THADA: variants seen among roughly 807,000 people sequenced by gnomAD.
THADA encodes tRNA (32-2'-O)-methyltransferase regulator THADA.
In THADA, 213 loss-of-function variants were observed where a neutral mutation model predicts 219.8. The observed-to-expected ratio is 0.97, with a 90% CI of 0.87 to 1.09. The LOEUF (loss-of-function observed/expected upper bound fraction) is 1.09, where lower values mean the gene tolerates loss of function less well. THADA is among the 50% of genes least tolerant of loss of function. THADA has a pLI of 0.00. For missense variants in THADA, 2,956 were observed against 2,311.3 expected, an observed-to-expected ratio of 1.28 and a Z score of -5.72; for synonymous variants, 1,018 against 828.9, an observed-to-expected ratio of 1.23 and a Z score of -3.92.
chr2:43,482,549 T>G (rs1319770306), intron 26 of THADA, among the ~76,000 whole-genome samples: 2 of 152,218 alleles, frequency 1.3e-5, no homozygotes, highest in Admixed American at 1.3e-4. Flanking sequence ...GGTTGGCTAT[T>G]TTGTCTCAGT....
At chr2:43,370,040 T>C (rs1457069709) in intron 29 of THADA, 1 of 152,202 alleles carries the variant, frequency 6.6e-6, no homozygotes, top group East Asian at 1.9e-4. Context: ...GAGCATTTAA[T>C]TGAAACTCAA....
intron 28 of THADA, among the ~76,000 whole-genome samples, chr2:43,427,503 T>TTGTG (rs70963397): frequency 0.37 from 51,982 of 140,364 alleles, 9,876 homozygotes; most frequent in East Asian, 0.51. Context: ...CTCCCAAAGT[T>TTGTG]TGTGTGTGTG....
At chr2:43,524,407 C>A (rs967711574) in intron 22 of THADA, among the ~76,000 whole-genome samples, 3 of 152,104 alleles carry the variant, frequency 2.0e-5, no homozygotes, top group Non-Finnish European at 4.4e-5. Flanking sequence ...GTTATTTATC[C>A]ATTAATCTCT....
At chr2:43,307,054 T>G (rs996451116) in intron 31 of THADA, among the ~76,000 whole-genome samples, 1 of 152,210 alleles carries the variant, frequency 6.6e-6, no homozygotes, top group South Asian at 2.1e-4. Flanking sequence ...TATGAAAGAT[T>G]AACCATTGCA....
intron 25 of THADA, among the ~76,000 whole-genome samples, chr2:43,488,435 C>T (rs1057512838): frequency 1.3e-5 from 2 of 152,126 alleles, no homozygotes; most frequent in Non-Finnish European, 2.9e-5. Flanking sequence ...ATGTAGTATG[C>T]GGCCTTTAAT....
At chr2:43,407,672 G>C (rs886290873) in intron 28 of THADA, among the ~76,000 whole-genome samples, 13 of 152,026 alleles carry the variant, frequency 8.6e-5, no homozygotes, top group Non-Finnish European at 1.8e-4. Context: ...AAAAGATTCT[G>C]ATATCCACGC....
At position 43,425,447 on chromosome 2, in the gene THADA, T is replaced by TGA. The variant is rs1491426602; in HGVS notation, c.4058+2652_4058+2653insTC. Among the ~76,000 whole-genome samples, 12 of 3,648 alleles carry TGA rather than the reference T, an allele frequency of 3.3e-3. No homozygotes were observed. The East Asian group carries it at 0.23, about 70-fold the overall frequency. 2.4% of individuals were successfully genotyped at this position (3,648 alleles called of 152,430 possible). On this transcript the variant is annotated intron_variant, in intron 28 of 37. Transcript: ENST00000405975. ...TACTGTCTAGCTTGTTAAAATTGTA[T>TGA]GTGTGTGTGTGTGTGTGTGTGTGTG... is the stretch of plus-strand genomic sequence containing the variant.
intron 22 of THADA, among the ~76,000 whole-genome samples, chr2:43,524,920 A>C (rs1692968661): frequency 6.6e-6 from 1 of 151,930 alleles, no homozygotes; most frequent in African/African-American, 2.4e-5. Context: ...CTGTCCTTAG[A>C]CCTCTGTTCT....
At chr2:43,236,638 C>T (rs1668059240) in intron 36 of THADA, among the ~76,000 whole-genome samples, 1 of 152,172 alleles carries the variant, frequency 6.6e-6, no homozygotes, top group Non-Finnish European at 1.5e-5. Context: ...GGAAGGATCA[C>T]TTGAGACAAG....
At chr2:43,312,404 C>T (rs1399120265) in intron 31 of THADA, among the ~76,000 whole-genome samples, 2 of 152,100 alleles carry the variant, frequency 1.3e-5, no homozygotes, top group African/African-American at 4.8e-5. Flanking sequence ...GGAAAGCTCA[C>T]CCTTTTCACT....
At chr2:43,302,835 T>G (rs940347360) in intron 31 of THADA, among the ~76,000 whole-genome samples, 3 of 152,158 alleles carry the variant, frequency 2.0e-5, no homozygotes, top group Non-Finnish European at 4.4e-5. Flanking sequence ...GAGGATTGCT[T>G]GAGCCCAGGA....
intron 2 of THADA, 112 bp downstream of exon 2, chr2:43,592,205 A>G: frequency 9.9e-7 from 1 of 1,011,020 alleles, no homozygotes; most frequent in Non-Finnish European, 1.4e-6. Flanking sequence ...CATCCAAAAC[A>G]TAAGGAAAAA....
chr2:43,488,560 T>C (rs1228266318), intron 25 of THADA, among the ~76,000 whole-genome samples: 1 of 152,216 alleles, frequency 6.6e-6, no homozygotes, highest in Admixed American at 6.5e-5. Flanking sequence ...AGATATACCG[T>C]ATTTTTAAAA....
intron 25 of THADA, chr2:43,486,536 G>C (rs1287363203): frequency 6.6e-6 from 1 of 152,158 alleles, no homozygotes; most frequent in Non-Finnish European, 1.5e-5. Context: ...CTCTAATTAA[G>C]TAAGTGACAT....
chr2:43,504,208 T>C (rs980359686), intron 24 of THADA, among the ~76,000 whole-genome samples: 3 of 152,188 alleles, frequency 2.0e-5, no homozygotes, highest in African/African-American at 4.8e-5. Flanking sequence ...CTGAAAAATG[T>C]CTTGAAGTGA....
chr2:43,560,498 C>T (rs947197638), intron 15 of THADA, 113 bp from the exon 16 acceptor site: 2 of 708,916 alleles, frequency 2.8e-6, no homozygotes, highest in Non-Finnish European at 4.3e-6. Flanking sequence ...ACACTTCATA[C>T]TTTACCCATG....
chr2:43,511,418 T>G (rs1057346095), intron 22 of THADA, among the ~76,000 whole-genome samples: 1 of 152,060 alleles, frequency 6.6e-6, no homozygotes, highest in Non-Finnish European at 1.5e-5. Context: ...GGAATGAGAG[T>G]AGAACATCTC....
rs746563291 is a variant in THADA, at chr2:43,303,406, G to T, written c.4439-10193C>A. Among the ~76,000 whole-genome samples the T allele has an allele frequency of 3.9e-5, 6 of 152,080 alleles. No individual in the cohort carries two copies. The South Asian group carries it at 1.2e-3, about 32-fold the overall frequency. ...CAGGCTGCTGAAAGAGGATTTAACA[G>T]TAGCACAGACCTTGAGCAGGGATGG... On this transcript the variant is annotated intron_variant, in intron 31 of 37. Transcript: ENST00000405975.
At chr2:43,549,571 G>T (rs1016020112) in intron 19 of THADA, among the ~76,000 whole-genome samples, 9 of 152,080 alleles carry the variant, frequency 5.9e-5, no homozygotes, top group Non-Finnish European at 1.2e-4. Flanking sequence ...TGGCAATTTA[G>T]ACTGAAATAT....
Sources: allele counts gnomAD v4.1 joint callset (sites outside exome capture counted in the v4.1 genomes callset), GRCh38; gene constraint gnomAD v4.1.1; transcripts MANE v1.5; gene names NCBI Gene and HGNC (gene_info 2026-07-23, HGNC 2026-07-21).